EXOC4: variants seen among roughly 807,000 people sequenced by gnomAD.
The protein encoded by EXOC4 is SEC8-like 1.
In EXOC4, 71 loss-of-function variants were observed where a neutral mutation model predicts 107.2. That is an observed-to-expected ratio of 0.66 (90% CI 0.55 to 0.81). The LOEUF (loss-of-function observed/expected upper bound fraction) is 0.81. Among genes scored for constraint, EXOC4 ranks in the 30% least tolerant of loss-of-function variants. The probability of loss-of-function intolerance (pLI) is 0.00; values close to 1 mark genes in which losing one functional copy is unlikely to be tolerated. For synonymous variants in EXOC4, 456 were observed against 441.2 expected, an observed-to-expected ratio of 1.03 and a Z score of -0.42; for missense variants, 1,108 against 1,189.6, an observed-to-expected ratio of 0.93 and a Z score of 1.01.
At chr7:133,577,851 T>C (rs1563114207) in intron 9 of EXOC4, among the ~76,000 whole-genome samples, 1 of 152,002 alleles carries the variant, frequency 6.6e-6, no homozygotes, top group South Asian at 2.1e-4. Context: ...TTTCTGACTT[T>C]CAAAAAAAAA....
chr7:133,712,121 C>T (rs1342783687), intron 10 of EXOC4, among the ~76,000 whole-genome samples: 9 of 152,096 alleles, frequency 5.9e-5, no homozygotes, highest in Admixed American at 5.9e-4. Context: ...TGCAAAATAA[C>T]AAGTCTTGCC....
intron 13 of EXOC4, among the ~76,000 whole-genome samples, chr7:133,922,836 G>A (rs544289694): frequency 2.1e-4 from 32 of 150,862 alleles, no homozygotes; most frequent in African/African-American, 6.6e-4. Flanking sequence ...GCGACAGAGC[G>A]AGACTCCGTC....
chr7:133,987,097 A>G (rs149359938), intron 14 of EXOC4, among the ~76,000 whole-genome samples: 24 of 152,282 alleles, frequency 1.6e-4, no homozygotes, highest in African/African-American at 5.5e-4. Flanking sequence ...AGACCTGGTA[A>G]CATATTGCTA....
intron 1 of EXOC4, 57 bp from the exon 2 acceptor site, chr7:133,274,925 C>G (rs1158504110): frequency 1.0e-5 from 14 of 1,352,618 alleles, no homozygotes; most frequent in Non-Finnish European, 1.2e-5. Flanking sequence ...CTTCACCTTT[C>G]TTTTGCATTT....
intron 1 of EXOC4, among the ~76,000 whole-genome samples, chr7:133,262,822 G>A (rs1022138383): frequency 1.6e-4 from 24 of 151,958 alleles, no homozygotes; most frequent in African/African-American, 4.8e-4. Flanking sequence ...TGTTAGTGAC[G>A]ATGAATATCC....
rs139351292 is a variant in EXOC4 at position 133,353,730 on chromosome 7, C to G, written c.764-2600C>G. On this transcript the variant is annotated intron_variant, in intron 5 of 17. Transcript: ENST00000253861. ...ATTATTTCTTTAAATATTCTCTGCT[C>G]TTTTCTCTCTTTCTTCTCCTTTCAG... Among the ~76,000 whole-genome samples, 4 of 152,100 alleles carry G rather than the reference C, an allele frequency of 2.6e-5. No homozygotes were observed. The East Asian group carries it at 5.8e-4, about 22-fold the overall frequency.
intron 10 of EXOC4, among the ~76,000 whole-genome samples, chr7:133,666,398 C>CCCCA (rs1437650342): frequency 6.6e-6 from 1 of 152,054 alleles, no homozygotes; most frequent in African/African-American, 2.4e-5. Context: ...GACTGGTGTA[C>CCCCA]AGATTGATAG....
At chr7:133,404,829 C>T (rs1033628202) in intron 7 of EXOC4, among the ~76,000 whole-genome samples, 2 of 151,588 alleles carry the variant, frequency 1.3e-5, no homozygotes, top group East Asian at 3.9e-4. Flanking sequence ...GAATTCAAGA[C>T]CAGCCTGGGC....
intron 12 of EXOC4, among the ~76,000 whole-genome samples, chr7:133,915,667 G>T (rs941000607): frequency 2.0e-4 from 30 of 152,256 alleles, no homozygotes; most frequent in African/African-American, 6.7e-4. Flanking sequence ...CTATAAGATT[G>T]CACCTAGCAA....
intron 10 of EXOC4, among the ~76,000 whole-genome samples, chr7:133,643,528 AC>A (rs1802911946): frequency 6.6e-6 from 1 of 152,042 alleles, no homozygotes; most frequent in Admixed American, 6.6e-5. Context: ...TCCCAAGTCC[AC>A]CCCTTGTCAA....
intron 9 of EXOC4, among the ~76,000 whole-genome samples, chr7:133,494,645 T>C (rs896972514): frequency 6.6e-6 from 1 of 152,248 alleles, no homozygotes; most frequent in African/African-American, 2.4e-5. Context: ...AGTGGTTGAC[T>C]ATCATTTCTA....
chr7:133,798,048 ACTGT>A (rs1796853096), intron 10 of EXOC4, among the ~76,000 whole-genome samples: 1 of 152,106 alleles, frequency 6.6e-6, no homozygotes, highest in South Asian at 2.1e-4. Context: ...GAGTTGTGTA[ACTGT>A]CTGGAGGAAG....
At chr7:133,746,570 G>A (rs1028892805) in intron 10 of EXOC4, among the ~76,000 whole-genome samples, 4 of 152,116 alleles carry the variant, frequency 2.6e-5, no homozygotes, top group Non-Finnish European at 5.9e-5. Flanking sequence ...AGAGGAATAC[G>A]TGTTTCTTTG....
intron 7 of EXOC4, among the ~76,000 whole-genome samples, chr7:133,465,625 G>T (rs1002665873): frequency 6.6e-6 from 1 of 152,118 alleles, no homozygotes; most frequent in Non-Finnish European, 1.5e-5. Flanking sequence ...CTCCATGTGA[G>T]TCTATATGCT....
chr7:134,054,266 C>T lies in EXOC4; in HGVS notation c.2688-10025C>T, dbSNP rs187275690. On this transcript the variant is annotated intron_variant, in intron 17 of 17. Coordinates refer to ENST00000253861, the MANE Select transcript of EXOC4 (RefSeq NM_021807.4). ...ATAGGAAATAAGAAATGCTCTGGTT[C>T]CATGGCCCTTAACACCCACCCCAAC... Among the ~76,000 whole-genome samples the T allele has an allele frequency of 8.5e-5, 13 of 152,264 alleles. No homozygotes were observed. The East Asian group carries it at 2.5e-3, about 29-fold the overall frequency.
intron 10 of EXOC4, among the ~76,000 whole-genome samples, chr7:133,682,425 C>A (rs1454817680): frequency 6.6e-6 from 1 of 152,130 alleles, no homozygotes; most frequent in Non-Finnish European, 1.5e-5. Context: ...TCTGCTTTTG[C>A]TTCTTTCTCC....
intron 5 of EXOC4, among the ~76,000 whole-genome samples, chr7:133,338,340 T>C (rs1268997104): frequency 1.3e-5 from 2 of 151,610 alleles, no homozygotes; most frequent in African/African-American, 2.4e-5. Context: ...ACGCCTGTAA[T>C]CCCAGCACTT....
At chr7:133,903,002 G>T (rs1381971271) in intron 12 of EXOC4, among the ~76,000 whole-genome samples, 4 of 152,208 alleles carry the variant, frequency 2.6e-5, no homozygotes. Context: ...GTTGAGTTGA[G>T]CTTAGAGGAA....
chr7:133,282,174 G>A (rs10235751), intron 2 of EXOC4, among the ~76,000 whole-genome samples: 12 of 152,096 alleles, frequency 7.9e-5, no homozygotes, highest in African/African-American at 2.9e-4. Flanking sequence ...TCCAAAAGAG[G>A]GCTGCAAAAA....
Sources: gnomAD v4.1 joint callset for allele counts (sites outside exome capture counted in the v4.1 genomes callset) on GRCh38, gnomAD v4.1.1 for gene constraint, MANE v1.5 for transcripts, NCBI Gene and HGNC (gene_info 2026-07-23, HGNC 2026-07-21) for gene names.